Variants in GSTCD observed in about 807,000 individuals in gnomAD.
GSTCD encodes the protein glutathione S-transferase C-terminal domain-containing protein.
Under a neutral mutation model 68.3 loss-of-function variants are expected in GSTCD, and 44 were observed. The ratio of observed to expected loss-of-function variants is 0.64; its 90% CI spans 0.51 to 0.83. The LOEUF is 0.83. Ranked by LOEUF, GSTCD falls within the 40% of genes least tolerant of loss-of-function variation. GSTCD has a pLI of 0.00. For synonymous variants in GSTCD, 273 were observed against 255.2 expected (o/e 1.07, Z -0.67); for missense variants, 739 against 735.9 (o/e 1.00, Z -0.05).
In GSTCD at chr4:105,726,589, G is replaced by A; in HGVS notation, c.905G>A (p.Ser302Asn). Residue 302 changes from serine (S) to asparagine (N), a missense_variant, in exon 4 of 12, where the codon AGC becomes AAC. Physicochemically the swap from Ser to Asn is conservative, Grantham distance 46. Transcript: ENST00000515279. Reference sequence around the variant, plus strand: ...TATTTTCCTACCTAGGTAATTATCAGCAGGAAATTTTCTGAGAAGCTGGTA... The same window carrying A: ...TATTTTCCTACCTAGGTAATTATCAACAGGAAATTTTCTGAGAAGCTGGTA... ...PCIHHFLVII[S>N]RKFSEKLVEF... 6.3e-7 allele frequency: 1 copy of A among 1,585,682 alleles called. No individual in the cohort carries two copies. The highest frequency in any genetic ancestry group is 1.1e-5 in the South Asian group (1 of 88,048).
At chr4:105,756,895 A>T (rs1323539701) in intron 5 of GSTCD, among the ~76,000 whole-genome samples, 4 of 152,004 alleles carry the variant, frequency 2.6e-5, no homozygotes, top group African/African-American at 9.7e-5. Flanking sequence ...AGAGTTGAGA[A>T]CTCTAGATCT....
At chr4:105,791,333 C>T (rs1735661651) in intron 5 of GSTCD, among the ~76,000 whole-genome samples, 1 of 146,394 alleles carries the variant, frequency 6.8e-6, no homozygotes, top group South Asian at 2.1e-4. Context: ...GCGGAGCTTG[C>T]AGTGAGCCGA....
chr4:105,790,476 A>G (rs2149254924), intron 5 of GSTCD, among the ~76,000 whole-genome samples: 1 of 152,126 alleles, frequency 6.6e-6, no homozygotes, highest in South Asian at 2.1e-4. Context: ...TTTGTCTGTA[A>G]AAAAATTTTA....
intron 5 of GSTCD, among the ~76,000 whole-genome samples, chr4:105,780,542 A>G (rs889161672): frequency 6.6e-6 from 1 of 152,222 alleles, no homozygotes; most frequent in African/African-American, 2.4e-5. Flanking sequence ...GAAATATTTG[A>G]GCATGTCATT....
intron 1 of GSTCD, among the ~76,000 whole-genome samples, chr4:105,713,669 T>G (rs1173247299): frequency 2.0e-5 from 3 of 152,164 alleles, no homozygotes; most frequent in Admixed American, 2.0e-4. Context: ...ACATAGTAGG[T>G]GGACAATAAA....
At chr4:105,768,213 G>A (rs571012945) in intron 5 of GSTCD, among the ~76,000 whole-genome samples, 1 of 151,890 alleles carries the variant, frequency 6.6e-6, no homozygotes, top group East Asian at 1.9e-4. Flanking sequence ...GTATTTTTTA[G>A]TAGAGACGGG....
chr4:105,750,278 T>C (rs981342789), intron 5 of GSTCD, among the ~76,000 whole-genome samples: 1 of 151,916 alleles, frequency 6.6e-6, no homozygotes, highest in Non-Finnish European at 1.5e-5. Context: ...AGCCTCAACA[T>C]GGAGAAACCC....
intron 5 of GSTCD, among the ~76,000 whole-genome samples, chr4:105,770,359 CTT>C (rs67376535): frequency 2.6e-4 from 38 of 148,796 alleles, no homozygotes; most frequent in East Asian, 1.2e-3. Flanking sequence ...GTTCCTTATA[CTT>C]TTTTTTTTTC....
At chr4:105,791,425 G>A (rs958585733) in intron 5 of GSTCD, among the ~76,000 whole-genome samples, 2 of 151,480 alleles carry the variant, frequency 1.3e-5, no homozygotes, top group South Asian at 2.1e-4. Context: ...AAGGAACAAG[G>A]AATGATAAGA....
Position 105,719,438 on chromosome 4 carries a change from G to T in GSTCD, c.805G>T (p.Asp269Tyr). 1 of 1,614,000 alleles carries T rather than the reference G, an allele frequency of 6.2e-7. No individual in the cohort carries two copies. Residue 269 changes from aspartate to tyrosine, a missense_variant, in exon 3 of 12, where the codon GAC becomes TAC. Transcript: ENST00000515279. ...TCACATCAGAAAAGCAAAAGCCTCC[G>T]ACCTTCCACCTCTGGAGCATGTGTT... The part of the protein sequence containing the change: ...PSHIRKAKAS[D>Y]LPPLEHVFAE...
At chr4:105,764,072 T>C (rs1407834686) in intron 5 of GSTCD, among the ~76,000 whole-genome samples, 1 of 152,120 alleles carries the variant, frequency 6.6e-6, no homozygotes, top group East Asian at 1.9e-4. Flanking sequence ...GGGGTGGCTA[T>C]AATTAAAAAA....
At chr4:105,740,151 G>T (rs968431315) in intron 5 of GSTCD, among the ~76,000 whole-genome samples, 2 of 152,010 alleles carry the variant, frequency 1.3e-5, no homozygotes, top group Non-Finnish European at 2.9e-5. Context: ...CAGTAGCCAC[G>T]TAGGCCCCAG....
At chr4:105,732,727 T>C (rs1733296226) in intron 5 of GSTCD, among the ~76,000 whole-genome samples, 1 of 152,214 alleles carries the variant, frequency 6.6e-6, no homozygotes, top group South Asian at 2.1e-4. Flanking sequence ...TCTTGCCTTC[T>C]GCTAGCTTTT....
At chr4:105,740,789 C>A (rs1013853997) in intron 5 of GSTCD, among the ~76,000 whole-genome samples, 8 of 152,064 alleles carry the variant, frequency 5.3e-5, no homozygotes, top group Non-Finnish European at 8.8e-5. Flanking sequence ...GGATGAAGGA[C>A]TGGCCTCTTT....
intron 9 of GSTCD, among the ~76,000 whole-genome samples, chr4:105,837,497 A>T (rs1724171735): frequency 6.6e-6 from 1 of 152,144 alleles, no homozygotes; most frequent in African/African-American, 2.4e-5. Context: ...ACTGTGAGTA[A>T]TAAAGTATCT....
chr4:105,717,945 A>T lies in GSTCD; in HGVS notation c.332A>T (p.His111Leu), dbSNP rs751003984. ...CRAGLAVVLR[H>L]IIQKSYEADP... is the part of the protein sequence containing the mutation. Reference sequence around the variant, plus strand: ...GCAGGACTTGCTGTTGTATTGAGACACATAATCCAGAAATCCTATGAAGCA... The same window carrying T: ...GCAGGACTTGCTGTTGTATTGAGACTCATAATCCAGAAATCCTATGAAGCA... Residue 111 changes from histidine (H) to leucine (L), a missense_variant, in exon 2 of 12, where the codon CAC becomes CTC. Physicochemically the swap from His to Leu is moderately conservative, Grantham distance 99 (BLOSUM62 -3). Transcript: ENST00000515279. 1 of 1,613,988 alleles carries T rather than the reference A, an allele frequency of 6.2e-7. No homozygotes were observed. The highest frequency in any genetic ancestry group is 1.3e-5 in the African/African-American group (1 of 74,946).
chr4:105,836,410 G>A (rs182270347), intron 9 of GSTCD, among the ~76,000 whole-genome samples: 70 of 152,290 alleles, frequency 4.6e-4, no homozygotes, highest in African/African-American at 1.6e-3. Context: ...CCCAAGCTTC[G>A]GGCCATTTCT....
chr4:105,792,268 A>G (rs1234661913), intron 5 of GSTCD, among the ~76,000 whole-genome samples: 2 of 152,132 alleles, frequency 1.3e-5, no homozygotes, highest in African/African-American at 4.8e-5. Context: ...CAGATATTCA[A>G]CAAAGCTGTA....
intron 5 of GSTCD, among the ~76,000 whole-genome samples, chr4:105,771,300 T>C (rs532253016): frequency 1.3e-5 from 2 of 152,176 alleles, no homozygotes; most frequent in East Asian, 3.8e-4. Context: ...TTGCAAAAAT[T>C]TTCTCCCATT....
Sources: gnomAD v4.1 joint callset for allele counts (sites outside exome capture counted in the v4.1 genomes callset) on GRCh38, gnomAD v4.1.1 for gene constraint, MANE v1.5 for transcripts, NCBI Gene and HGNC (gene_info 2026-07-23, HGNC 2026-07-21) for gene names.